The following HDAC9 variants were observed in gnomAD, a reference collection of about 807,000 sequenced individuals.
The protein encoded by HDAC9 is histone deacetylase 9.
In HDAC9, 41 loss-of-function variants were observed where a neutral mutation model predicts 139.4. That is an observed-to-expected ratio of 0.29 (90% CI 0.23 to 0.38). The LOEUF is 0.38. Ranked by LOEUF, HDAC9 falls within the 10% of genes least tolerant of loss-of-function variation. HDAC9 has a pLI of 1.00. For synonymous variants in HDAC9, 517 were observed against 476.2 expected (o/e 1.09, Z -1.12); for missense variants, 1,147 against 1,297.0 (o/e 0.88, Z 1.78).
In HDAC9 at chr7:18,300,191, A is replaced by AT. The variant is rs200511894; in HGVS notation, c.-42+9692dup. Among the ~76,000 whole-genome samples the AT allele has an allele frequency of 5.0e-3, 708 of 142,812 alleles. 4 individuals carry two copies. In the Middle Eastern group the frequency reaches 0.058, roughly 12 times the overall value. 93.7% of individuals were successfully genotyped at this position (142,812 alleles called of 152,430 possible). A position where few individuals can be genotyped will look rare whatever the true frequency, so the allele number is the denominator to read the frequency against. ...AAAACATTATGAGATTTTTTTGCAA[A>AT]TTTTTTTTTTTTTTTTAGCTCATCG... On this transcript the variant is annotated intron_variant, in intron 1 of 3. Coordinates refer to the HDAC9 transcript ENST00000413509.
At chr7:18,832,456 A>G (rs1215195359) in intron 19 of HDAC9, among the ~76,000 whole-genome samples, 3 of 152,226 alleles carry the variant, frequency 2.0e-5, no homozygotes, top group African/African-American at 4.8e-5. Flanking sequence ...AAATCCTTGT[A>G]CAGCATCAAT....
intron 6 of HDAC9, among the ~76,000 whole-genome samples, chr7:18,623,939 A>T (rs889667952): frequency 6.6e-6 from 1 of 152,060 alleles, no homozygotes; most frequent in Non-Finnish European, 1.5e-5. Flanking sequence ...ACTCCATTGC[A>T]GGGGGGGTAA....
chr7:18,758,639 C>T (rs980889282), intron 14 of HDAC9, among the ~76,000 whole-genome samples: 5 of 152,114 alleles, frequency 3.3e-5, no homozygotes, highest in Non-Finnish European at 7.4e-5. Flanking sequence ...CGGAATTACT[C>T]CAGGAGATCC....
chr7:18,657,364 A>G (rs1261166250), intron 11 of HDAC9, among the ~76,000 whole-genome samples: 2 of 152,110 alleles, frequency 1.3e-5, no homozygotes, highest in Non-Finnish European at 2.9e-5. Context: ...AGAGTGATTC[A>G]TTGGTTTGAG....
chr7:18,249,138 A>G (rs1794749462), intron 2 of HDAC9, among the ~76,000 whole-genome samples: 1 of 152,192 alleles, frequency 6.6e-6, no homozygotes, highest in African/African-American at 2.4e-5. Flanking sequence ...TTACATTTTC[A>G]TATTTTGGTA....
intron 2 of HDAC9, among the ~76,000 whole-genome samples, chr7:18,241,064 T>C (rs1794156464): frequency 6.6e-6 from 1 of 152,164 alleles, no homozygotes; most frequent in Non-Finnish European, 1.5e-5. Flanking sequence ...GATTAGGGCT[T>C]CCCAGGTTCT....
intron 1 of HDAC9, among the ~76,000 whole-genome samples, chr7:18,435,235 T>C (rs1285751959): frequency 6.6e-6 from 1 of 151,686 alleles, no homozygotes; most frequent in East Asian, 2.0e-4. Context: ...AGAAGAACAA[T>C]AGACAGTGGG....
At chr7:18,152,699 C>T (rs1414702576) in intron 1 of HDAC9, among the ~76,000 whole-genome samples, 1 of 152,188 alleles carries the variant, frequency 6.6e-6, no homozygotes, top group African/African-American at 2.4e-5. Flanking sequence ...TCATAGCAAG[C>T]ACTCAATAAG....
chr7:18,618,445 T>C (rs1450217780), intron 6 of HDAC9, among the ~76,000 whole-genome samples: 1 of 151,950 alleles, frequency 6.6e-6, no homozygotes, highest in East Asian at 1.9e-4. Context: ...TATCAGGGGA[T>C]AGGTATTGCC....
intron 1 of HDAC9, among the ~76,000 whole-genome samples, chr7:18,339,749 C>A (rs369424231): frequency 6.6e-6 from 1 of 151,396 alleles, no homozygotes; most frequent in Non-Finnish European, 1.5e-5. Flanking sequence ...GGATTAAAAA[C>A]ATAACTTCTA....
chr7:18,356,988 G>A (rs1783361349), intron 1 of HDAC9, among the ~76,000 whole-genome samples: 1 of 152,094 alleles, frequency 6.6e-6, no homozygotes, highest in South Asian at 2.1e-4. Context: ...AAATTAACTA[G>A]CATTAAGGTA....
At chr7:18,187,907 T>A (rs1489807882) in intron 2 of HDAC9, among the ~76,000 whole-genome samples, 2 of 152,182 alleles carry the variant, frequency 1.3e-5, no homozygotes, top group Admixed American at 1.3e-4. Flanking sequence ...GCTTGTCTGA[T>A]AAGAATCACC....
intron 12 of HDAC9, among the ~76,000 whole-genome samples, chr7:18,672,813 A>G (rs17433123): frequency 0.019 from 2,938 of 152,096 alleles, 49 homozygotes; most frequent in Admixed American, 0.032. Flanking sequence ...TCATTTTCTC[A>G]TACTTTATCT....
At chr7:18,442,233 G>A (rs752792573) in intron 1 of HDAC9, among the ~76,000 whole-genome samples, 1 of 152,072 alleles carries the variant, frequency 6.6e-6, no homozygotes, top group East Asian at 1.9e-4. Context: ...ATTTCTTTCC[G>A]GTCAACATTG....
intron 2 of HDAC9, among the ~76,000 whole-genome samples, chr7:18,523,441 C>T (rs1477322955): frequency 6.6e-6 from 1 of 152,192 alleles, no homozygotes; most frequent in East Asian, 1.9e-4. Flanking sequence ...GGGACAAATT[C>T]AGAGTCTGAG....
intron 1 of HDAC9, among the ~76,000 whole-genome samples, chr7:18,301,675 T>A (rs571306670): frequency 6.6e-6 from 1 of 152,320 alleles, no homozygotes; most frequent in South Asian, 2.1e-4. Flanking sequence ...AGTTATATTT[T>A]TTGTAGCTCT....
chr7:18,817,366 C>A (rs1200201360), intron 17 of HDAC9, among the ~76,000 whole-genome samples: 1 of 151,956 alleles, frequency 6.6e-6, no homozygotes, highest in African/African-American at 2.4e-5. Context: ...AGGCCTGTTA[C>A]AACAAATATC....
At chr7:18,745,837 T>C (rs1178159) in intron 13 of HDAC9, among the ~76,000 whole-genome samples, 47,921 of 148,354 alleles carry the variant, frequency 0.32, 9,705 homozygotes, top group East Asian at 0.66. Context: ...TGAGCCACCG[T>C]GCCCGGCCCG....
intron 2 of HDAC9, among the ~76,000 whole-genome samples, chr7:18,511,010 T>C (rs1460046953): frequency 6.6e-6 from 1 of 152,200 alleles, no homozygotes; most frequent in Non-Finnish European, 1.5e-5. Flanking sequence ...AGTTAGATAA[T>C]AAAACCGAAT....
Sources: allele counts gnomAD v4.1 joint callset (sites outside exome capture counted in the v4.1 genomes callset), GRCh38; gene constraint gnomAD v4.1.1; transcripts MANE v1.5; gene names NCBI Gene and HGNC (gene_info 2026-07-23, HGNC 2026-07-21).